Variants in PPP2R2B observed in about 807,000 individuals in gnomAD.
PPP2R2B encodes protein phosphatase 2 regulatory subunit Bbeta.
A neutral mutation model predicts 46.0 loss-of-function variants in PPP2R2B; 5 were observed. That is an observed-to-expected ratio of 0.11 (90% CI 0.06 to 0.23). The LOEUF (loss-of-function observed/expected upper bound fraction) is 0.23. PPP2R2B is among the 10% of genes least tolerant of loss of function. The probability of loss-of-function intolerance (pLI) is 1.00; values close to 1 mark genes in which losing one functional copy is unlikely to be tolerated. For synonymous variants in PPP2R2B, 215 were observed against 206.7 expected, an observed-to-expected ratio of 1.04 and a Z score of -0.34; for missense variants, 367 against 575.0, an observed-to-expected ratio of 0.64 and a Z score of 3.70.
intron 2 of PPP2R2B, among the ~76,000 whole-genome samples, chr5:146,802,529 T>C (rs928473130): frequency 1.3e-5 from 2 of 152,054 alleles, no homozygotes; most frequent in Admixed American, 6.6e-5. Flanking sequence ...GCATAATGAG[T>C]TATGTGAAAA....
At chr5:146,856,590 C>T (rs758726426) in intron 2 of PPP2R2B, 3 of 1,602,364 alleles carry the variant, frequency 1.9e-6, no homozygotes, top group Non-Finnish European at 2.6e-6. Context: ...GCTCCTGTGA[C>T]AAACATGGGG....
chr5:146,973,048 T>A (rs1323747704), intron 1 of PPP2R2B, among the ~76,000 whole-genome samples: 1 of 146,916 alleles, frequency 6.8e-6, no homozygotes, highest in Non-Finnish European at 1.5e-5. Flanking sequence ...TAGAGATATA[T>A]TACCTATTTC....
At chr5:146,676,988 T>G (rs1202799205) in intron 5 of PPP2R2B, among the ~76,000 whole-genome samples, 1 of 152,160 alleles carries the variant, frequency 6.6e-6, no homozygotes, top group Non-Finnish European at 1.5e-5. Flanking sequence ...TAACCAAGTG[T>G]GGCTTTGTTT....
intron 1 of PPP2R2B, chr5:147,054,721 G>C (rs1756990569): frequency 1.8e-5 from 8 of 455,974 alleles, no homozygotes; most frequent in South Asian, 1.2e-4. Flanking sequence ...AGTTCCAAGA[G>C]AGTGTGGCTA....
At chr5:146,863,641 T>TATCTATCC (rs773594689) in intron 2 of PPP2R2B, among the ~76,000 whole-genome samples, 11 of 150,468 alleles carry the variant, frequency 7.3e-5, no homozygotes, top group African/African-American at 2.7e-4. Flanking sequence ...TCCATCCATC[T>TATCTATCC]ATCCATCCAT....
chr5:146,869,305 G>A lies in PPP2R2B; in HGVS notation c.70+8697C>T, dbSNP rs532523451. Among the ~76,000 whole-genome samples the A allele has an allele frequency of 2.3e-3, 345 of 152,288 alleles. 1 individual carries two copies. Among genetic ancestry groups the A allele is most frequent in the African/African-American group, 8.0e-3 (333 of 41,552 alleles). The stretch of plus-strand genomic sequence containing the variant: ...TCAGCTTTAAAGATAATAAAATCAG[G>A]AAGGAGGACATTTAAACAAAAACAC... On this transcript the variant is annotated intron_variant, in intron 2 of 9. Transcript: ENST00000394411.
At chr5:146,999,980 G>A (rs1276179049) in intron 1 of PPP2R2B, among the ~76,000 whole-genome samples, 2 of 152,146 alleles carry the variant, frequency 1.3e-5, no homozygotes, top group African/African-American at 4.8e-5. Flanking sequence ...GATGGATGAG[G>A]ACTGAGATGG....
chr5:146,920,770 G>A (rs944163713), intron 1 of PPP2R2B, among the ~76,000 whole-genome samples: 2 of 152,170 alleles, frequency 1.3e-5, no homozygotes, highest in Non-Finnish European at 2.9e-5. Context: ...CTGTGTGTGT[G>A]TGTGTTTGTT....
At position 146,955,413 on chromosome 5, in the gene PPP2R2B, A is replaced by G. The variant is rs1284268104; in HGVS notation, c.79+100252T>C. Among the ~76,000 whole-genome samples, 2 of 152,194 alleles carry G rather than the reference A, an allele frequency of 1.3e-5. 1 individual carries two copies. Among genetic ancestry groups the G allele is most frequent in the Non-Finnish European group, 2.9e-5 (2 of 68,034 alleles). On this transcript the variant is annotated intron_variant, in intron 1 of 8. Coordinates refer to the PPP2R2B transcript ENST00000336640. The stretch of plus-strand genomic sequence containing the variant: ...TAGACTACATTTTGAGTAGCAAGTA[A>G]ATAGGGCACAGCATTCAGTTATACA...
At chr5:146,749,603 TTTC>T (rs1253368686) in intron 2 of PPP2R2B, among the ~76,000 whole-genome samples, 1 of 150,814 alleles carries the variant, frequency 6.6e-6, no homozygotes, top group Non-Finnish European at 1.5e-5. Context: ...TTTCTTTTCT[TTTC>T]TTTTTTTTTT....
intron 2 of PPP2R2B, among the ~76,000 whole-genome samples, chr5:146,803,089 A>C (rs1371733819): frequency 6.6e-6 from 1 of 152,222 alleles, no homozygotes; most frequent in African/African-American, 2.4e-5. Context: ...TCCAAATGCT[A>C]CTTCTCTCTC....
chr5:146,730,058 C>A (rs113917217), intron 2 of PPP2R2B, among the ~76,000 whole-genome samples: 24 of 152,292 alleles, frequency 1.6e-4, no homozygotes, highest in African/African-American at 5.3e-4. Context: ...ATGAAAGCAG[C>A]CAGGAGGGAG....
At chr5:146,820,803 T>C (rs1217308835) in intron 2 of PPP2R2B, among the ~76,000 whole-genome samples, 2 of 152,126 alleles carry the variant, frequency 1.3e-5, no homozygotes, top group African/African-American at 4.8e-5. Flanking sequence ...TTCCTAGGAC[T>C]CCATCCGTCA....
At chr5:146,850,399 T>C (rs1229475419) in intron 2 of PPP2R2B, among the ~76,000 whole-genome samples, 1 of 152,158 alleles carries the variant, frequency 6.6e-6, no homozygotes, top group African/African-American at 2.4e-5. Context: ...GGCTTCCTGT[T>C]ACTCATAAGA....
intron 1 of PPP2R2B, among the ~76,000 whole-genome samples, chr5:147,048,272 T>G (rs1316634890): frequency 6.6e-6 from 1 of 152,194 alleles, no homozygotes; most frequent in Non-Finnish European, 1.5e-5. Flanking sequence ...GCAAAGAGCC[T>G]GGACTCTGGA....
chr5:146,893,274 TC>T (rs1220648877), intron 1 of PPP2R2B, among the ~76,000 whole-genome samples: 7 of 152,232 alleles, frequency 4.6e-5, no homozygotes, highest in Non-Finnish European at 2.9e-5. Flanking sequence ...ATGAATGCTT[TC>T]TTTGTGTCAG....
At chr5:146,618,261 C>T (rs919371581) in intron 7 of PPP2R2B, among the ~76,000 whole-genome samples, 4 of 152,062 alleles carry the variant, frequency 2.6e-5, no homozygotes, top group South Asian at 2.1e-4. Flanking sequence ...GACTGGTCAC[C>T]GCTGTCTTTG....
chr5:146,992,358 T>C (rs1283714440), intron 1 of PPP2R2B, among the ~76,000 whole-genome samples: 3 of 152,262 alleles, frequency 2.0e-5, no homozygotes, highest in South Asian at 4.1e-4. Flanking sequence ...TGTAGTTCTC[T>C]TTCAGCACTT....
intron 1 of PPP2R2B, among the ~76,000 whole-genome samples, chr5:147,031,252 A>G (rs1755767710): frequency 6.6e-6 from 1 of 151,896 alleles, no homozygotes; most frequent in Non-Finnish European, 1.5e-5. Context: ...AAAAATCTTT[A>G]TTTTGCTTTT....
Sources: allele counts gnomAD v4.1 joint callset (sites outside exome capture counted in the v4.1 genomes callset), GRCh38; gene constraint gnomAD v4.1.1; transcripts MANE v1.5; gene names NCBI Gene and HGNC (gene_info 2026-07-23, HGNC 2026-07-21).